The following CNTNAP2 variants were observed in gnomAD, a reference collection of about 807,000 sequenced individuals.
CNTNAP2 encodes contactin associated protein 2.
In CNTNAP2, 98 loss-of-function variants were observed where a neutral mutation model predicts 155.2. The ratio of observed to expected loss-of-function variants is 0.63; its 90% CI spans 0.54 to 0.75. The LOEUF (loss-of-function observed/expected upper bound fraction) is 0.75. Ranked by LOEUF, CNTNAP2 falls within the 30% of genes least tolerant of loss-of-function variation. CNTNAP2 has a pLI of 0.00. For missense variants in CNTNAP2, 1,727 were observed against 1,688.1 expected (o/e 1.02, Z -0.40); for synonymous variants, 651 against 631.2 (o/e 1.03, Z -0.47).
At chr7:147,193,585 A>T (rs1802723423) in intron 8 of CNTNAP2, among the ~76,000 whole-genome samples, 2 of 152,186 alleles carry the variant, frequency 1.3e-5, no homozygotes, top group Admixed American at 1.3e-4. Flanking sequence ...CATTGAGGGA[A>T]CATGGAGACT....
intron 14 of CNTNAP2, among the ~76,000 whole-genome samples, chr7:147,961,435 G>A (rs574090600): frequency 2.0e-5 from 3 of 152,210 alleles, no homozygotes; most frequent in South Asian, 4.1e-4. Context: ...AAAGATATAC[G>A]TGGAGAAGGA....
At chr7:148,200,489 G>A (rs1795351752) in intron 18 of CNTNAP2, among the ~76,000 whole-genome samples, 1 of 151,292 alleles carries the variant, frequency 6.6e-6, no homozygotes, top group Non-Finnish European at 1.5e-5. Context: ...CGAACTCCTG[G>A]GCTCAAGCAA....
At chr7:146,621,516 T>C (rs1441325742) in intron 1 of CNTNAP2, among the ~76,000 whole-genome samples, 2 of 152,170 alleles carry the variant, frequency 1.3e-5, no homozygotes, top group Non-Finnish European at 2.9e-5. Context: ...TATAATGACT[T>C]TGACAGTTTT....
intron 1 of CNTNAP2, among the ~76,000 whole-genome samples, chr7:146,486,903 T>C (rs556762088): frequency 3.3e-5 from 5 of 152,332 alleles, no homozygotes; most frequent in African/African-American, 1.2e-4. Flanking sequence ...GTGTTTTCTC[T>C]AAGAAAACAT....
At position 147,481,694 on chromosome 7, in the gene CNTNAP2, C is replaced by T. The variant is rs1022076248; in HGVS notation, c.1671-4241C>T. On this transcript the variant is annotated intron_variant, in intron 10 of 23. Coordinates refer to ENST00000361727, the MANE Select transcript of CNTNAP2 (RefSeq NM_014141.6). ...GGAGAAGGCAGGGCTGTCTGGAGCC[C>T]GAGTTAATTGGATGCATCACTTCTT... 6.6e-5 allele frequency among the ~76,000 whole-genome samples: 10 copies of T among 152,104 alleles called. No individual in the cohort carries two copies. The South Asian group carries it at 1.9e-3, about 28-fold the overall frequency.
chr7:147,514,740 C>G (rs1165564914), intron 11 of CNTNAP2, among the ~76,000 whole-genome samples: 1 of 152,096 alleles, frequency 6.6e-6, no homozygotes, highest in Non-Finnish European at 1.5e-5. Context: ...ATTGCTGAGG[C>G]CAAAACCCAT....
intron 1 of CNTNAP2, among the ~76,000 whole-genome samples, chr7:146,395,225 A>G (rs1439800808): frequency 6.6e-6 from 1 of 152,136 alleles, no homozygotes; most frequent in African/African-American, 2.4e-5. Flanking sequence ...GGTATCTTTT[A>G]TAGAAACTTT....
chr7:146,522,911 A>T (rs1207240690), intron 1 of CNTNAP2, among the ~76,000 whole-genome samples: 1 of 151,916 alleles, frequency 6.6e-6, no homozygotes, highest in Non-Finnish European at 1.5e-5. Context: ...ACTTGGAATC[A>T]TCTTTCCTCA....
chr7:147,691,135 T>C (rs1273751335), intron 13 of CNTNAP2, among the ~76,000 whole-genome samples: 2 of 152,106 alleles, frequency 1.3e-5, no homozygotes, highest in Non-Finnish European at 2.9e-5. Context: ...TTAATTCAAT[T>C]GGATTAATTT....
At chr7:148,168,010 T>A (rs10224610) in intron 17 of CNTNAP2, among the ~76,000 whole-genome samples, 2,918 of 152,360 alleles carry the variant, frequency 0.019, 93 homozygotes, top group African/African-American at 0.066. Flanking sequence ...GCTCTGCCAA[T>A]TGACCCTTTG....
intron 10 of CNTNAP2, among the ~76,000 whole-genome samples, chr7:147,442,187 T>C (rs980177495): frequency 6.6e-6 from 1 of 152,130 alleles, no homozygotes; most frequent in Non-Finnish European, 1.5e-5. Flanking sequence ...TTGTCCTCTT[T>C]TGTCCTGCAG....
chr7:148,320,443 G>A (rs1797771692), intron 21 of CNTNAP2, among the ~76,000 whole-genome samples: 1 of 138,330 alleles, frequency 7.2e-6, no homozygotes, highest in Non-Finnish European at 1.5e-5. Flanking sequence ...GAGTGCAGTG[G>A]CTCAATCTCC....
At chr7:147,219,756 G>A (rs747965828) in intron 8 of CNTNAP2, among the ~76,000 whole-genome samples, 3 of 151,986 alleles carry the variant, frequency 2.0e-5, no homozygotes, top group Non-Finnish European at 4.4e-5. Flanking sequence ...CCACTCATGA[G>A]AGCAAAGCCC....
chr7:147,025,865 T>A (rs569797207), intron 3 of CNTNAP2, among the ~76,000 whole-genome samples: 34 of 93,612 alleles, frequency 3.6e-4, no homozygotes, highest in East Asian at 1.0e-3. Context: ...TTTTTTTTTT[T>A]AAATTTTTAT....
intron 21 of CNTNAP2, among the ~76,000 whole-genome samples, chr7:148,345,277 G>C (rs1051053886): frequency 7.9e-5 from 12 of 152,068 alleles, no homozygotes; most frequent in Non-Finnish European, 1.8e-4. Flanking sequence ...AGAATGATGG[G>C]AGCCCAGGGC....
intron 9 of CNTNAP2, among the ~76,000 whole-genome samples, chr7:147,356,814 G>A (rs946977584): frequency 2.6e-5 from 4 of 152,016 alleles, no homozygotes; most frequent in East Asian, 3.9e-4. Context: ...ATGGAAGGTC[G>A]CTGTATGGCC....
chr7:147,572,701 A>AACACACACAC (rs55950116), intron 12 of CNTNAP2, among the ~76,000 whole-genome samples: 14 of 149,096 alleles, frequency 9.4e-5, no homozygotes, highest in African/African-American at 2.7e-4. Context: ...CAGGATGGGA[A>AACACACACAC]ACACACACAC....
intron 16 of CNTNAP2, among the ~76,000 whole-genome samples, chr7:148,128,489 A>G (rs911423797): frequency 6.6e-6 from 1 of 152,172 alleles, no homozygotes; most frequent in Non-Finnish European, 1.5e-5. Flanking sequence ...CTAAAATGAA[A>G]TTTGTGCTAT....
At chr7:147,139,021 AT>A (rs1272248659) in intron 8 of CNTNAP2, among the ~76,000 whole-genome samples, 3 of 152,076 alleles carry the variant, frequency 2.0e-5, no homozygotes, top group African/African-American at 7.2e-5. Flanking sequence ...ATAAAAATGA[AT>A]TATGAAAGAA....
Sources: gnomAD v4.1 joint callset for allele counts (sites outside exome capture counted in the v4.1 genomes callset) on GRCh38, gnomAD v4.1.1 for gene constraint, MANE v1.5 for transcripts, NCBI Gene and HGNC (gene_info 2026-07-23, HGNC 2026-07-21) for gene names.